The following MATN2 variants were observed in gnomAD, a reference collection of about 807,000 sequenced individuals.
MATN2 encodes matrilin-2.
In MATN2, 69 loss-of-function variants were observed where a neutral mutation model predicts 103.2. The ratio of observed to expected loss-of-function variants is 0.67; its 90% CI spans 0.55 to 0.82. The LOEUF (loss-of-function observed/expected upper bound fraction) is 0.82. MATN2 is among the 40% of genes least tolerant of loss of function. The probability of loss-of-function intolerance (pLI) is 0.00; values close to 1 mark genes in which losing one functional copy is unlikely to be tolerated. For missense variants in MATN2, 1,023 were observed against 1,211.5 expected (o/e 0.84, Z 2.31); for synonymous variants, 429 against 450.2 (o/e 0.95, Z 0.60).
chr8:98,018,075 T>TG lies in MATN2; in HGVS notation c.1780dup (p.Glu594GlyfsTer7). ...GATGACTCATACACGTGCGAGTGCTTGGAGGGATTCCGGCTCGCTGAGGAT... is the reference window on the plus strand; with the variant it reads ...GATGACTCATACACGTGCGAGTGCTTGGGAGGGATTCCGGCTCGCTGAGGAT... On this transcript the variant is annotated frameshift_variant, in exon 12 of 19. Coordinates refer to ENST00000254898, the MANE Select transcript of MATN2 (RefSeq NM_002380.5). LOFTEE classifies it high-confidence loss of function. 1 of 1,613,936 alleles carries TG rather than the reference T, an allele frequency of 6.2e-7. No individual in the cohort carries two copies. Among genetic ancestry groups the TG allele is most frequent in the Non-Finnish European group, 8.5e-7 (1 of 1,179,826 alleles).
intron 15 of MATN2, among the ~76,000 whole-genome samples, chr8:98,031,212 C>T (rs561713629): frequency 6.6e-6 from 1 of 152,234 alleles, no homozygotes; most frequent in East Asian, 1.9e-4. Context: ...ATGGCACACA[C>T]CTGTAGTCTC....
chr8:98,026,547 G>T (rs1813815217), intron 13 of MATN2, among the ~76,000 whole-genome samples: 1 of 152,186 alleles, frequency 6.6e-6, no homozygotes, highest in South Asian at 2.1e-4. Flanking sequence ...GTGAGCCACT[G>T]CACTAAGGCT....
chr8:97,897,352 A>G (rs1344565328), intron 2 of MATN2, among the ~76,000 whole-genome samples: 1 of 152,266 alleles, frequency 6.6e-6, no homozygotes, highest in Non-Finnish European at 1.5e-5. Context: ...TTGCAGCTGC[A>G]GAGTATAAAC....
intron 5 of MATN2, among the ~76,000 whole-genome samples, chr8:97,971,316 A>G (rs1811648291): frequency 6.6e-6 from 1 of 152,210 alleles, no homozygotes; most frequent in South Asian, 2.1e-4. Flanking sequence ...ACTTTGATTC[A>G]TCCCTGAATT....
At chr8:97,890,601 T>C (rs1818596884) in intron 2 of MATN2, among the ~76,000 whole-genome samples, 1 of 152,102 alleles carries the variant, frequency 6.6e-6, no homozygotes, top group Non-Finnish European at 1.5e-5. Context: ...TGGAAAAGCA[T>C]GCTCATTGGT....
At chr8:98,034,867 C>G (rs1814178461) in intron 18 of MATN2, among the ~76,000 whole-genome samples, 1 of 149,984 alleles carries the variant, frequency 6.7e-6, no homozygotes. Flanking sequence ...TAGAAGTGTG[C>G]TATGGCAAAC....
In MATN2 at chr8:97,894,528, C is replaced by T. The variant is rs143101307; in HGVS notation, c.142+6286C>T. On this transcript the variant is annotated intron_variant, in intron 2 of 18. Coordinates refer to ENST00000254898, the MANE Select transcript of MATN2 (RefSeq NM_002380.5). ...GCAGAGACAGGGTCTTACTATGTTG[C>T]ACAGACTGGTTTCAAATTCTTGGCC... 1.6e-4 allele frequency among the ~76,000 whole-genome samples: 24 copies of T among 152,080 alleles called. No individual in the cohort carries two copies. The East Asian group carries it at 4.6e-3, about 29-fold the overall frequency.
chr8:97,906,230 C>G (rs911657263), intron 2 of MATN2, among the ~76,000 whole-genome samples: 1 of 152,150 alleles, frequency 6.6e-6, no homozygotes, highest in Non-Finnish European at 1.5e-5. Context: ...AATTACCATC[C>G]TAGTGGGTGT....
chr8:97,915,486 C>T (rs1178465952), intron 2 of MATN2, among the ~76,000 whole-genome samples: 5 of 152,196 alleles, frequency 3.3e-5, no homozygotes, highest in African/African-American at 1.2e-4. Flanking sequence ...CCTTTGCTGG[C>T]ACAGGGCTGT....
chr8:98,022,826 G>A (rs960148793), intron 13 of MATN2, among the ~76,000 whole-genome samples: 14 of 152,150 alleles, frequency 9.2e-5, no homozygotes, highest in Non-Finnish European at 1.8e-4. Context: ...TATGGCTAAC[G>A]CCTGTAATCC....
intron 6 of MATN2, among the ~76,000 whole-genome samples, chr8:97,984,433 T>C (rs1169618510): frequency 1.3e-5 from 2 of 152,226 alleles, no homozygotes; most frequent in African/African-American, 2.4e-5. Context: ...GTAGTGACCA[T>C]CTAAATTTTA....
chr8:97,870,639 G>A (rs1445067985), intron 1 of MATN2, among the ~76,000 whole-genome samples: 1 of 152,250 alleles, frequency 6.6e-6, no homozygotes, highest in Non-Finnish European at 1.5e-5. Context: ...TATGAGCAGT[G>A]AATGTACCTC....
At chr8:98,016,192 G>A (rs142412763) in intron 10 of MATN2, among the ~76,000 whole-genome samples, 8 of 152,146 alleles carry the variant, frequency 5.3e-5, no homozygotes, top group Admixed American at 3.3e-4. Flanking sequence ...ACCAGCCTGG[G>A]CAACATGGTG....
intron 4 of MATN2, among the ~76,000 whole-genome samples, chr8:97,951,776 G>T (rs1810962270): frequency 6.6e-6 from 1 of 152,154 alleles, no homozygotes. Flanking sequence ...CATTCACTCA[G>T]ATTTCACTGT....
At chr8:98,025,911 C>A (rs1184548019) in intron 13 of MATN2, among the ~76,000 whole-genome samples, 1 of 152,136 alleles carries the variant, frequency 6.6e-6, no homozygotes, top group Non-Finnish European at 1.5e-5. Flanking sequence ...GGTACAGTGG[C>A]TCATGCCTGT....
chr8:98,012,360 A>AC (rs1482341532), intron 10 of MATN2, among the ~76,000 whole-genome samples: 1 of 151,862 alleles, frequency 6.6e-6, no homozygotes, highest in Non-Finnish European at 1.5e-5. Flanking sequence ...CCGTGGGAGC[A>AC]CCCCCTAGTC....
At chr8:97,990,466 A>C in intron 6 of MATN2, among the ~76,000 whole-genome samples, 1 of 152,092 alleles carries the variant, frequency 6.6e-6, no homozygotes, top group East Asian at 1.9e-4. Flanking sequence ...CATATGACTC[A>C]TTCATTATGC....
At position 98,018,076 on chromosome 8, in the gene MATN2, G is replaced by A. The variant is rs1485907447; in HGVS notation, c.1779G>A (p.Leu593=). ...ATGACTCATACACGTGCGAGTGCTT[G>A]GAGGGATTCCGGCTCGCTGAGGATG... ...NSDDSYTCEC[L]EGFRLAEDGK... Residue 593 remains leucine (L), a synonymous_variant, in exon 12 of 19, where the codon TTG becomes TTA. Transcript: ENST00000254898. 1 of 1,613,844 alleles carries A rather than the reference G, an allele frequency of 6.2e-7. No homozygotes were observed. Among genetic ancestry groups the A allele is most frequent in the Non-Finnish European group, 8.5e-7 (1 of 1,179,848 alleles).
intron 10 of MATN2, among the ~76,000 whole-genome samples, chr8:98,015,370 T>C (rs927339452): frequency 2.6e-5 from 4 of 152,136 alleles, no homozygotes; most frequent in Non-Finnish European, 5.9e-5. Flanking sequence ...TGCCCTTCTC[T>C]TTCAGATCTG....
Sources: gnomAD v4.1 joint callset for allele counts (sites outside exome capture counted in the v4.1 genomes callset) on GRCh38, gnomAD v4.1.1 for gene constraint, MANE v1.5 for transcripts, NCBI Gene and HGNC (gene_info 2026-07-23, HGNC 2026-07-21) for gene names.